NIN: variants seen among roughly 807,000 people sequenced by gnomAD.
NIN encodes ninein.
Under a neutral mutation model 257.6 loss-of-function variants are expected in NIN, and 137 were observed. The ratio of observed to expected loss-of-function variants is 0.53; its 90% CI spans 0.46 to 0.61. The LOEUF is 0.61. Among genes scored for constraint, NIN ranks in the 20% least tolerant of loss-of-function variants. The probability of loss-of-function intolerance (pLI) is 0.00; values close to 1 mark genes in which losing one functional copy is unlikely to be tolerated. For synonymous variants in NIN, 918 were observed against 919.8 expected (o/e 1.00, Z 0.04); for missense variants, 2,439 against 2,501.2 (o/e 0.98, Z 0.53).
At chr14:50,749,108 C>T (rs1236152746) in intron 21 of NIN, among the ~76,000 whole-genome samples, 4 of 152,136 alleles carry the variant, frequency 2.6e-5, no homozygotes, top group African/African-American at 4.8e-5. Flanking sequence ...GGTACCAAAA[C>T]AGATATATAG....
intron 27 of NIN, 96 bp downstream of exon 27, chr14:50,738,044 T>A: frequency 8.0e-7 from 1 of 1,249,358 alleles, no homozygotes; most frequent in Non-Finnish European, 1.1e-6. Context: ...TATGCCATCG[T>A]AATCATTTCC....
chr14:50,805,854 T>TC (rs1355434407), intron 4 of NIN: 2 of 152,154 alleles, frequency 1.3e-5, no homozygotes, highest in Non-Finnish European at 2.9e-5. Flanking sequence ...AGTTTCATTG[T>TC]CCCCCAAATT....
In NIN at chr14:50,723,005, A is replaced by C. The variant is rs1172978661; in HGVS notation, c.*458T>G. ...AATTGTCTACCAATTCAAAGAACCA[A>C]AACTATTATAATGACTTTCCAGTAT... On this transcript the variant is annotated 3_prime_UTR_variant, in exon 31 of 31. Coordinates refer to ENST00000530997, the MANE Select transcript of NIN (RefSeq NM_020921.4). 2 of 211,670 alleles carry C rather than the reference A, an allele frequency of 9.4e-6. No homozygotes were observed. Among genetic ancestry groups the C allele is most frequent in the Admixed American group, 5.8e-5 (1 of 17,382 alleles). 13.1% of individuals were successfully genotyped at this position (211,670 alleles called of 1,614,324 possible).
At chr14:50,763,755 A>C (rs2042366198) in intron 15 of NIN, 71 bp downstream of exon 15, 2 of 1,362,622 alleles carry the variant, frequency 1.5e-6, no homozygotes, top group Non-Finnish European at 2.0e-6. Context: ...AAGCTTTGCA[A>C]TTTTATATTG....
rs755262356 is a variant in NIN at position 50,757,337 on chromosome 14, T to C, written c.3693A>G (p.Leu1231=). 4.3e-5 allele frequency: 69 copies of C among 1,613,750 alleles called. 1 individual carries two copies. In the South Asian group the frequency reaches 4.9e-4, roughly 12 times the overall value. The change falls in exon 18 of 31, where the codon CTA becomes CTG. Residue 1231 remains leucine, a synonymous_variant. Transcript: ENST00000530997. ...KQDLLFDVSV[L]KKKLKMLERI... ...TCTCAAGCATCTTCAGTTTCTTTTTTAGCACAGAAACATCAAAAAGTAGGT... is the reference window on the plus strand; with the variant it reads ...TCTCAAGCATCTTCAGTTTCTTTTTCAGCACAGAAACATCAAAAAGTAGGT...
At chr14:50,802,911 G>C (rs1452657271) in intron 4 of NIN, among the ~76,000 whole-genome samples, 1 of 152,188 alleles carries the variant, frequency 6.6e-6, no homozygotes, top group Non-Finnish European at 1.5e-5. Context: ...AATCTTTGGT[G>C]TTATAAAATA....
rs57511926 is a variant in NIN at position 50,810,230 on chromosome 14, C to CAAA, written c.184-3415_184-3413dup. 4.1e-5 allele frequency among the ~76,000 whole-genome samples: 3 copies of CAAA among 73,074 alleles called. 1 individual carries two copies. The highest frequency in any genetic ancestry group is 1.3e-4 in the African/African-American group (3 of 22,798). 47.9% of individuals were successfully genotyped at this position (73,074 alleles called of 152,430 possible). ...TGGGCGACAGAGTGAGACTCCGTCT[C>CAAA]AAAAAAAAAAAAAAAAAAGAAAATG... On this transcript the variant is annotated intron_variant, in intron 3 of 30. Transcript: ENST00000530997.
At position 50,763,713 on chromosome 14, in the gene NIN, CT is replaced by C. The variant is rs5808571; in HGVS notation, c.1774+112del. 140,419 of 655,958 alleles carry C rather than the reference CT, an allele frequency of 0.21. 4,761 individuals are homozygous for C. The highest frequency in any genetic ancestry group is 0.23 in the South Asian group (7,871 of 34,212). The allele number at this position is 655,958 out of a possible 1,614,324, so 40.6% of individuals were successfully genotyped here. A position where few individuals can be genotyped will look rare whatever the true frequency, so the allele number is the denominator to read the frequency against. ...CTCAAGAAAAGAGTATGGCCAAATT[CT>C]TTTTTTTTTTTTTCTTTTTTCAAGT... On this transcript the variant is annotated intron_variant, in intron 15 of 30. Coordinates refer to ENST00000530997, the MANE Select transcript of NIN (RefSeq NM_020921.4).
intron 19 of NIN, 37 bp downstream of exon 19, chr14:50,754,705 C>A (rs747499106): frequency 2.5e-6 from 4 of 1,578,374 alleles, no homozygotes; most frequent in Non-Finnish European, 3.4e-6. Flanking sequence ...TTAGTCTTTG[C>A]AAAAATGTCT....
rs1465288924 is a variant in NIN, at chr14:50,759,956, T to G, written c.2300A>C (p.Gln767Pro). 1 of 1,614,238 alleles carries G rather than the reference T, an allele frequency of 6.2e-7. No homozygotes were observed. The highest frequency in any genetic ancestry group is 1.1e-5 in the South Asian group (1 of 91,084). ...CTCCACCAGGCTTGTCAGCTGCTCC[T>G]GGTGAAACTGCTCTAGTTCCTGAGT... ...GLTQELEQFH[Q>P]EQLTSLVEKH... is the part of the protein sequence containing the mutation. Residue 767 changes from glutamine (Q) to proline (P), a missense_variant, in exon 17 of 31, where the codon CAG becomes CCG. Transcript: ENST00000530997.
At chr14:50,816,344 A>G (rs187355644) in intron 3 of NIN, among the ~76,000 whole-genome samples, 89 of 152,300 alleles carry the variant, frequency 5.8e-4, no homozygotes, top group African/African-American at 2.1e-3. Context: ...CATCCTGCAC[A>G]TGTACCCCAG....
chr14:50,726,054 G>T lies in NIN; in HGVS notation c.6091C>A (p.Gln2031Lys). ...ETNTPQGNQEQLVTVMEERMI... is the reference protein window; with the variant it reads ...ETNTPQGNQEKLVTVMEERMI... ...CGTTCCTCCATGACAGTTACCAGTT[G>T]TTCCTGGTTTCCCTGAAGGGAAGAA... The change falls in exon 30 of 31, where the codon CAA becomes AAA. Residue 2031 changes from glutamine (Q) to lysine (K), a missense_variant. Transcript: ENST00000530997. The T allele has an allele frequency of 6.2e-7, 1 of 1,612,218 alleles. No homozygotes were observed. Among genetic ancestry groups the T allele is most frequent in the Non-Finnish European group, 8.5e-7 (1 of 1,178,668 alleles).
intron 3 of NIN, among the ~76,000 whole-genome samples, chr14:50,820,176 A>C (rs2045132730): frequency 6.6e-6 from 1 of 152,216 alleles, no homozygotes; most frequent in Non-Finnish European, 1.5e-5. Flanking sequence ...TGGCTCACTA[A>C]GTAAATATCA....
chr14:50,768,843 C>T (rs575195715), intron 12 of NIN, among the ~76,000 whole-genome samples: 1 of 152,276 alleles, frequency 6.6e-6, no homozygotes, highest in African/African-American at 2.4e-5. Flanking sequence ...TTAGCTGAGA[C>T]ATCATGATGA....
chr14:50,725,860 T>C (rs1470591818), intron 30 of NIN, 93 bp downstream of exon 30: 2 of 1,605,354 alleles, frequency 1.2e-6, no homozygotes, highest in East Asian at 2.2e-5. Context: ...TTAGACAACA[T>C]AAGTTAACGA....
At chr14:50,732,176 T>G (rs1406013535) in intron 28 of NIN, among the ~76,000 whole-genome samples, 2 of 152,198 alleles carry the variant, frequency 1.3e-5, no homozygotes, top group Admixed American at 1.3e-4. Flanking sequence ...ACTGTTAAAC[T>G]AGTATATAGA....
rs757766651 is a variant in NIN at position 50,763,813 on chromosome 14, C to T, written c.1774+13G>A. On this transcript the variant is annotated intron_variant, in intron 15 of 30. Transcript: ENST00000530997. Reference sequence around the variant, plus strand: ...GTAAAGGCTTTATCTACAGCCTGTCCGAATGTGTTTACCGTGTTCGGGCTC... The same window carrying T: ...GTAAAGGCTTTATCTACAGCCTGTCTGAATGTGTTTACCGTGTTCGGGCTC... The T allele has an allele frequency of 1.2e-5, 19 of 1,612,656 alleles. No homozygotes were observed. In the South Asian group the frequency reaches 1.3e-4, roughly 11 times the overall value.
intron 14 of NIN, 51 bp downstream of exon 14, chr14:50,766,256 G>T: frequency 7.1e-7 from 1 of 1,412,040 alleles, no homozygotes; most frequent in Non-Finnish European, 1.0e-6. Context: ...GGGAAGCTGG[G>T]GTCTGAACCC....
At position 50,766,516 on chromosome 14, in the gene NIN, G is replaced by A; in HGVS notation, c.1546-120C>T. ...CTTGAGTATGATAGGAATGTGACAT[G>A]TAAGCACGAACAACACCAACTGGGT... is the stretch of plus-strand genomic sequence containing the variant. On this transcript the variant is annotated intron_variant, in intron 13 of 30. Transcript: ENST00000530997. The A allele has an allele frequency of 4.6e-6, 4 of 868,482 alleles. 1 individual carries two copies. The highest frequency in any genetic ancestry group is 4.4e-5 in the South Asian group (3 of 68,290). The allele number at this position is 868,482 out of a possible 1,614,324, so 53.8% of individuals were successfully genotyped here. A position where few individuals can be genotyped will look rare whatever the true frequency, so the allele number is the denominator to read the frequency against.
Sources: allele counts gnomAD v4.1 joint callset (sites outside exome capture counted in the v4.1 genomes callset), GRCh38; gene constraint gnomAD v4.1.1; transcripts MANE v1.5; gene names NCBI Gene and HGNC (gene_info 2026-07-23, HGNC 2026-07-21).